PTAFR: variants seen among roughly 807,000 people sequenced by gnomAD.
PTAFR encodes platelet-activating factor receptor.
A neutral mutation model predicts 14.7 loss-of-function variants in PTAFR; 8 were observed. The observed-to-expected ratio is 0.54, with a 90% confidence interval of 0.32 to 0.98. The LOEUF is 0.98. Among genes scored for constraint, PTAFR ranks in the 50% least tolerant of loss-of-function variants. The probability of loss-of-function intolerance (pLI) is 0.04; values close to 1 mark genes in which losing one functional copy is unlikely to be tolerated. For missense variants in PTAFR, 337 were observed against 451.2 expected (o/e 0.75, Z 2.29); for synonymous variants, 156 against 176.5 (o/e 0.88, Z 0.92).
At chr1:28,188,724 C>T (rs1646626085) in intron 1 of PTAFR, among the ~76,000 whole-genome samples, 1 of 151,772 alleles carries the variant, frequency 6.6e-6, no homozygotes, top group Admixed American at 6.6e-5. Context: ...GAGTGAAACT[C>T]CATCTAAAAA....
chr1:28,159,192 T>C (rs1312158129), intron 1 of PTAFR, among the ~76,000 whole-genome samples: 1 of 152,094 alleles, frequency 6.6e-6, no homozygotes, highest in African/African-American at 2.4e-5. Context: ...CTGGGATGCC[T>C]GTGAAACACC....
intron 1 of PTAFR, among the ~76,000 whole-genome samples, chr1:28,191,171 G>A (rs1254409743): frequency 6.6e-6 from 1 of 152,218 alleles, no homozygotes; most frequent in Non-Finnish European, 1.5e-5. Context: ...TGTATCCTGA[G>A]AGGAAGACTC....
In PTAFR at chr1:28,149,659, C is replaced by T. The variant is rs558972775; in HGVS notation, c.*334G>A. On this transcript the variant is annotated 3_prime_UTR_variant, in exon 2 of 2. Coordinates refer to ENST00000373857, the MANE Select transcript of PTAFR (RefSeq NM_000952.5). ...CCAAAGCTTTAGACCGATGCCCCAT[C>T]GGGGAGAACTAGGTGGTTTAAAGTC... The T allele has an allele frequency of 1.9e-4, 51 of 270,880 alleles. No individual in the cohort carries two copies. The highest frequency in any genetic ancestry group is 4.9e-4 in the Admixed American group (10 of 20,248). 16.8% of individuals were successfully genotyped at this position (270,880 alleles called of 1,614,324 possible).
At position 28,153,896 on chromosome 1, in the gene PTAFR, G is replaced by C. The variant is rs1646227221; in HGVS notation, c.-38-2837C>G. 2.7e-5 allele frequency among the ~76,000 whole-genome samples: 4 copies of C among 149,918 alleles called. No homozygotes were observed. In the South Asian group the frequency reaches 8.5e-4, roughly 32 times the overall value. ...GATTGAGACTCTATCTCAAAAAAAA[G>C]AAAAAAAATTAGCAAGGCGTGGTGG... On this transcript the variant is annotated intron_variant, in intron 1 of 1. Coordinates refer to ENST00000373857, the MANE Select transcript of PTAFR (RefSeq NM_000952.5).
chr1:28,173,307 G>GC (rs1646472778), intron 1 of PTAFR, among the ~76,000 whole-genome samples: 1 of 92,356 alleles, frequency 1.1e-5, no homozygotes, highest in Non-Finnish European at 2.1e-5. Flanking sequence ...AAGGGGGGGG[G>GC]GTGTGCGGGG....
At chr1:28,182,809 T>C (rs928568222) in intron 1 of PTAFR, among the ~76,000 whole-genome samples, 7 of 152,084 alleles carry the variant, frequency 4.6e-5, no homozygotes, top group African/African-American at 1.7e-4. Context: ...ATGTCCCAAG[T>C]AGCTGGGATT....
At chr1:28,170,304 G>A (rs866368623) in intron 1 of PTAFR, among the ~76,000 whole-genome samples, 1 of 152,134 alleles carries the variant, frequency 6.6e-6, no homozygotes, top group Non-Finnish European at 1.5e-5. Context: ...CAGTCACAGT[G>A]TCCCTCACTC....
chr1:28,168,457 T>C (rs942784203), intron 1 of PTAFR, among the ~76,000 whole-genome samples: 2 of 152,150 alleles, frequency 1.3e-5, no homozygotes, highest in African/African-American at 4.8e-5. Flanking sequence ...TGTTACAACA[T>C]GGATGAATCT....
intron 1 of PTAFR, among the ~76,000 whole-genome samples, chr1:28,166,946 C>CA (rs1367211808): frequency 6.6e-6 from 1 of 152,076 alleles, no homozygotes; most frequent in Non-Finnish European, 1.5e-5. Flanking sequence ...CACTGTACTC[C>CA]AGCCTAGGCA....
intron 1 of PTAFR, among the ~76,000 whole-genome samples, chr1:28,189,394 A>C (rs1337064089): frequency 6.6e-6 from 1 of 151,924 alleles, no homozygotes; most frequent in Non-Finnish European, 1.5e-5. Context: ...CGGGCAGATC[A>C]CGAGGTCAGG....
rs1557683280 is a variant in PTAFR, at chr1:28,150,047, G to A, written c.975C>T (p.Val325=). ...RKCSRATTDT[V]TEVVVPFNQI... is the part of the protein sequence containing the mutation. ...GGTTGAATGGCACAACCACTTCAGT[G>A]ACCGTATCCGTGGTGGCCCGGGAGC... Residue 325 remains valine, a synonymous_variant, in exon 2 of 2, where the codon GTC becomes GTT. Coordinates refer to ENST00000373857, the MANE Select transcript of PTAFR (RefSeq NM_000952.5). This position sits in a 1 kb window ranked among gnomAD's most constrained non-coding sequence, Gnocchi z 6.3. The A allele has an allele frequency of 3.1e-6, 5 of 1,614,168 alleles. No homozygotes were observed. Among genetic ancestry groups the A allele is most frequent in the East Asian group, 2.2e-5 (1 of 44,892 alleles).
rs1018402381 is a variant in PTAFR at position 28,171,338 on chromosome 1, C to A, written c.-39+5254G>T. Among the ~76,000 whole-genome samples the A allele has an allele frequency of 2.7e-5, 4 of 150,890 alleles. No individual in the cohort carries two copies. The South Asian group carries it at 8.4e-4, about 32-fold the overall frequency. The stretch of plus-strand genomic sequence containing the variant: ...ACTCCATCTCAAAAAAAAAAAAAAA[C>A]TTGACCTCACAGGATAGCCCTGATG... On this transcript the variant is annotated intron_variant, in intron 1 of 1. Transcript: ENST00000373857.
intron 1 of PTAFR, among the ~76,000 whole-genome samples, chr1:28,174,916 T>C (rs1646496229): frequency 6.6e-6 from 1 of 151,986 alleles, no homozygotes; most frequent in South Asian, 2.1e-4. Flanking sequence ...AGATCAGTGG[T>C]TTGTTTGTTT....
In PTAFR at chr1:28,150,870, T is replaced by A; in HGVS notation, c.152A>T (p.Glu51Val). 6.2e-7 allele frequency: 1 copy of A among 1,614,108 alleles called. No homozygotes were observed. The highest frequency in any genetic ancestry group is 8.5e-7 in the Non-Finnish European group (1 of 1,180,018). The change falls in exon 2 of 2, where the codon GAG becomes GTG. Residue 51 changes from glutamate (E) to valine (V), a missense_variant. Glu to Val is a moderately radical substitution (Grantham distance 121, BLOSUM62 -2). Transcript: ENST00000373857. The surrounding 1 kb of genome is among the most constrained non-coding windows in gnomAD (Gnocchi z 6.3). ...ARLYPCKKFNEIKIFMVNLTM... is the reference protein window; with the variant it reads ...ARLYPCKKFNVIKIFMVNLTM... ...GAGGTTCACCATGAAGATCTTTATC[T>A]CATTGAATTTCTTGCAAGGGTACAG...
chr1:28,151,016 C>A lies in PTAFR; in HGVS notation c.6G>T (p.Glu2Asp). 1 of 1,584,256 alleles carries A rather than the reference C, an allele frequency of 6.3e-7. No individual in the cohort carries two copies. The highest frequency in any genetic ancestry group is 1.7e-4 in the Middle Eastern group (1 of 5,922). M[E>D]PHDSSHMDSE... ...AGTCCATGTGGGAGGAGTCATGTGG[C>A]TCCATTGCTGTGGGCTGGAATGATC... is the stretch of plus-strand genomic sequence containing the variant. Residue 2 changes from glutamate to aspartate, a missense_variant, in exon 2 of 2, where the codon GAG becomes GAT. Physicochemically the swap from Glu to Asp is conservative, Grantham distance 45. Transcript: ENST00000373857.
chr1:28,149,049 AC>A lies in PTAFR; in HGVS notation c.*943del, dbSNP rs1383620560. 1 of 152,246 alleles carries A rather than the reference AC, an allele frequency of 6.6e-6. No individual in the cohort carries two copies. The highest frequency in any genetic ancestry group is 1.5e-5 in the Non-Finnish European group (1 of 68,044). 9.4% of individuals were successfully genotyped at this position (152,246 alleles called of 1,614,324 possible). On this transcript the variant is annotated 3_prime_UTR_variant, in exon 2 of 2. Transcript: ENST00000373857. ...AGAGGCAAGGCCTTTGCAGACAGAC[AC>A]GTCTGTCTTGGGAAGCAAGCTCTTG... is the stretch of plus-strand genomic sequence containing the variant.
At chr1:28,157,285 A>G (rs948260551) in intron 1 of PTAFR, among the ~76,000 whole-genome samples, 2 of 151,930 alleles carry the variant, frequency 1.3e-5, no homozygotes, top group African/African-American at 4.8e-5. Context: ...GATTACAGGC[A>G]CACGCTACCA....
intron 1 of PTAFR, among the ~76,000 whole-genome samples, chr1:28,161,650 G>A (rs1479820392): frequency 3.3e-5 from 5 of 152,120 alleles, no homozygotes; most frequent in Non-Finnish European, 5.9e-5. Flanking sequence ...CCCAGCTGGT[G>A]GCTGTTTTAA....
At chr1:28,172,101 C>T (rs930097146) in intron 1 of PTAFR, among the ~76,000 whole-genome samples, 24 of 152,244 alleles carry the variant, frequency 1.6e-4, no homozygotes, top group South Asian at 6.2e-4. Context: ...CTGCAACCTC[C>T]GCCTCCCAGG....
Sources: gnomAD v4.1 joint callset for allele counts (sites outside exome capture counted in the v4.1 genomes callset) on GRCh38, gnomAD v4.1.1 for gene constraint, Gnocchi (gnomAD v3.1) non-coding constraint, MANE v1.5 for transcripts, NCBI Gene and HGNC (gene_info 2026-07-23, HGNC 2026-07-21) for gene names.